Variants in CFAP54 observed in about 807,000 individuals in gnomAD.
The protein encoded by CFAP54 is cilia- and flagella-associated protein 54.
Under a neutral mutation model 370.4 loss-of-function variants are expected in CFAP54, and 290 were observed. The ratio of observed to expected loss-of-function variants is 0.78; its 90% CI spans 0.71 to 0.86. The LOEUF (loss-of-function observed/expected upper bound fraction) is 0.86. CFAP54 is among the 40% of genes least tolerant of loss of function. The probability of loss-of-function intolerance (pLI) is 0.00; values close to 1 mark genes in which losing one functional copy is unlikely to be tolerated. For missense variants in CFAP54, 3,399 were observed against 3,528.7 expected (o/e 0.96, Z 0.93); for synonymous variants, 1,206 against 1,236.5 (o/e 0.98, Z 0.52).
rs150086566 is a variant in CFAP54, at chr12:96,679,609, G to A, written c.5573G>A (p.Arg1858Gln). 79 of 1,611,438 alleles carry A rather than the reference G, an allele frequency of 4.9e-5. No individual in the cohort carries two copies. In the Middle Eastern group the frequency reaches 1.3e-3, roughly 27 times the overall value. Reference protein sequence around the residue: ...LKMLISSEYSRAKALVCVPVD... With the variant: ...LKMLISSEYSQAKALVCVPVD... ...TTTTCTTTCCTTTCAGAATACAGCC[G>A]AGCCAAAGCGCTTGTCTGCGTGCCC... Residue 1858 changes from arginine to glutamine, a missense_variant, in exon 40 of 68, where the codon CGA becomes CAA. Physicochemically the swap from Arg to Gln is conservative, Grantham distance 43 (BLOSUM62 1). Around this residue, in one of 3 missense-constraint regions of CFAP54, gnomAD observed 2,796 missense variants for 2,869.7 expected, o/e 0.97. Transcript: ENST00000524981.
In CFAP54 at chr12:96,626,909, T is replaced by TA; in HGVS notation, c.4075dup (p.Thr1359AsnfsTer6). ...GAAAAATTTCATCTTATGGTAGAGG[T>TA]AACAACTCCTGTCCATGACTTCTTG... On this transcript the variant is annotated frameshift_variant, in exon 30 of 68. Coordinates refer to ENST00000524981, the MANE Select transcript of CFAP54 (RefSeq NM_001306084.2). LOFTEE classifies it high-confidence loss of function. 1 of 1,427,394 alleles carries TA rather than the reference T, an allele frequency of 7.0e-7. No individual in the cohort carries two copies. The highest frequency in any genetic ancestry group is 9.2e-7 in the Non-Finnish European group (1 of 1,081,666). The allele number at this position is 1,427,394 out of a possible 1,614,324, so 88.4% of individuals were successfully genotyped here. A position where few individuals can be genotyped will look rare whatever the true frequency, so the allele number is the denominator to read the frequency against.
chr12:96,749,038 C>T (rs1183956084), intron 55 of CFAP54, among the ~76,000 whole-genome samples: 3 of 152,206 alleles, frequency 2.0e-5, no homozygotes, highest in Non-Finnish European at 2.9e-5. Context: ...TTAATTTCCT[C>T]ATCTCAAAAA....
At chr12:96,674,399 G>T (rs1347910981) in intron 39 of CFAP54, among the ~76,000 whole-genome samples, 1 of 147,424 alleles carries the variant, frequency 6.8e-6, no homozygotes, top group East Asian at 2.0e-4. Flanking sequence ...AACTGTTGAG[G>T]CTACTAGTGC....
intron 1 of CFAP54, among the ~76,000 whole-genome samples, chr12:96,500,588 G>A (rs370899882): frequency 1.3e-5 from 2 of 152,214 alleles, no homozygotes; most frequent in South Asian, 4.1e-4. Context: ...CAATTCTGTT[G>A]TGAACTTAAA....
intron 28 of CFAP54, among the ~76,000 whole-genome samples, chr12:96,625,290 A>G (rs1956537734): frequency 6.6e-6 from 1 of 152,232 alleles, no homozygotes. Flanking sequence ...TTCATAACTA[A>G]AAAATGTCAT....
chr12:96,861,093 C>T, intron 67 of CFAP54, 141 bp downstream of exon 67: 1 of 593,164 alleles, frequency 1.7e-6, no homozygotes, highest in Non-Finnish European at 2.7e-6. Flanking sequence ...TGAGGAATGT[C>T]TTAAATTGTA....
intron 14 of CFAP54, among the ~76,000 whole-genome samples, chr12:96,547,587 C>T (rs917408387): frequency 6.6e-6 from 1 of 152,008 alleles, no homozygotes; most frequent in African/African-American, 2.4e-5. Flanking sequence ...TTTAAATTAC[C>T]TTACAGAAGA....
At chr12:96,596,254 G>A (rs905999932) in intron 25 of CFAP54, among the ~76,000 whole-genome samples, 4 of 152,096 alleles carry the variant, frequency 2.6e-5, no homozygotes, top group Non-Finnish European at 5.9e-5. Context: ...CTGAGTTTAC[G>A]GTAGTCCACT....
chr12:96,752,833 A>T (rs988971103), intron 55 of CFAP54, among the ~76,000 whole-genome samples: 1 of 152,232 alleles, frequency 6.6e-6, no homozygotes, highest in African/African-American at 2.4e-5. Flanking sequence ...GTTGTAGTTT[A>T]GAGTGTGGGC....
Position 96,811,858 on chromosome 12 carries a change from A to G in CFAP54, c.8957+16A>G, listed in dbSNP as rs1364237878. ...CACTGAATAGGCAAGTAAAAATTCC[A>G]CAACTCGAATTGTCTTTGTTGTTAT... On this transcript the variant is annotated intron_variant, in intron 64 of 67. Coordinates refer to ENST00000524981, the MANE Select transcript of CFAP54 (RefSeq NM_001306084.2). The G allele has an allele frequency of 8.7e-6, 12 of 1,373,126 alleles. No homozygotes were observed. The highest frequency in any genetic ancestry group is 1.2e-5 in the Non-Finnish European group (12 of 1,023,310). 85.1% of individuals were successfully genotyped at this position (1,373,126 alleles called of 1,614,324 possible).
At chr12:96,712,307 T>G (rs1210568278) in intron 48 of CFAP54, among the ~76,000 whole-genome samples, 1 of 152,136 alleles carries the variant, frequency 6.6e-6, no homozygotes, top group East Asian at 1.9e-4. Flanking sequence ...TTAAAAAATC[T>G]ATCATTTCCT....
intron 50 of CFAP54, among the ~76,000 whole-genome samples, chr12:96,737,330 A>G (rs1957990404): frequency 6.6e-6 from 1 of 152,102 alleles, no homozygotes; most frequent in East Asian, 1.9e-4. Flanking sequence ...AGTGCTTAAT[A>G]TAGTACCTGT....
Position 96,786,784 on chromosome 12 carries a change from A to C in CFAP54, c.8565A>C (p.Lys2855Asn). 6.5e-7 allele frequency: 1 copy of C among 1,535,904 alleles called. No homozygotes were observed. Residue 2855 changes from lysine to asparagine, a missense_variant, in exon 62 of 68, where the codon AAA becomes AAC. This residue lies in a region of CFAP54 where 2,796 missense variants were observed against 2,869.7 expected (regional missense o/e 0.97). Transcript: ENST00000524981. ...AGAAAGAAGTGCATTTTTTCCTTAA[A>C]AAATTCTTACAGCTGTATTCTTCTT... is the stretch of plus-strand genomic sequence containing the variant. ...LRQKEVHFFL[K>N]KFLQLYSSSC...
intron 65 of CFAP54, among the ~76,000 whole-genome samples, chr12:96,820,399 G>C (rs1959018678): frequency 6.6e-6 from 1 of 152,142 alleles, no homozygotes; most frequent in South Asian, 2.1e-4. Flanking sequence ...GAAGGTACTT[G>C]TTGGCATTTT....
chr12:96,648,115 C>T (rs1303324673), intron 34 of CFAP54, 98 bp downstream of exon 34: 10 of 858,102 alleles, frequency 1.2e-5, no homozygotes, highest in African/African-American at 1.8e-5. Flanking sequence ...CAAATGTATA[C>T]ACCCAGTTTT....
intron 66 of CFAP54, among the ~76,000 whole-genome samples, chr12:96,839,280 A>G (rs772894122): frequency 1.3e-5 from 2 of 152,248 alleles, no homozygotes; most frequent in Non-Finnish European, 2.9e-5. Context: ...TAAATGAGTT[A>G]ATCCATGTAA....
At chr12:96,643,050 C>G (rs1457811482) in intron 32 of CFAP54, among the ~76,000 whole-genome samples, 2 of 152,126 alleles carry the variant, frequency 1.3e-5, no homozygotes, top group East Asian at 1.9e-4. Flanking sequence ...GTTGACTCAT[C>G]TTGGCCTTTT....
At chr12:96,551,832 C>A (rs1193668307) in intron 15 of CFAP54, among the ~76,000 whole-genome samples, 1 of 152,160 alleles carries the variant, frequency 6.6e-6, no homozygotes, top group African/African-American at 2.4e-5. Flanking sequence ...AAAAGCAGCC[C>A]TTTAATAGTG....
intron 56 of CFAP54, 31 bp from the exon 57 acceptor site, chr12:96,756,427 A>C: frequency 7.4e-7 from 1 of 1,358,838 alleles, no homozygotes; most frequent in Non-Finnish European, 1.0e-6. Context: ...GAAAAAGGAA[A>C]AACCATCTTT....
Sources: gnomAD v4.1 joint callset for allele counts (sites outside exome capture counted in the v4.1 genomes callset) on GRCh38, gnomAD v4.1.1 for gene constraint, gnomAD v4.1.1 regional missense constraint, MANE v1.5 for transcripts, NCBI Gene and HGNC (gene_info 2026-07-23, HGNC 2026-07-21) for gene names.